PSTPIP1: variants seen among roughly 807,000 people sequenced by gnomAD.
PSTPIP1 encodes proline-serine-threonine phosphatase interacting protein 1.
PSTPIP1 carries 66 observed loss-of-function variants against 69.6 expected under a neutral mutation model. That is an observed-to-expected ratio of 0.95 (90% CI 0.78 to 1.16). PSTPIP1 has a LOEUF of 1.16. Among genes scored for constraint, PSTPIP1 ranks in the 50% most tolerant of loss-of-function variants. PSTPIP1 has a pLI of 0.00. For missense variants in PSTPIP1, 603 were observed against 557.4 expected, an observed-to-expected ratio of 1.08 and a Z score of -0.82; for synonymous variants, 266 against 222.7, an observed-to-expected ratio of 1.19 and a Z score of -1.73.
chr15:77,016,155 C>G (rs2076048462), intron 1 of PSTPIP1, among the ~76,000 whole-genome samples: 2 of 152,190 alleles, frequency 1.3e-5, no homozygotes, highest in Non-Finnish European at 2.9e-5. Flanking sequence ...GATTCTTGTC[C>G]TGACTCTGCA....
At chr15:77,034,380 G>A (rs913316946) in intron 12 of PSTPIP1, among the ~76,000 whole-genome samples, 3 of 152,042 alleles carry the variant, frequency 2.0e-5, no homozygotes, top group African/African-American at 7.3e-5. Flanking sequence ...CTGGGTCCAC[G>A]CATGTCCACC....
chr15:77,015,823 C>A, intron 1 of PSTPIP1: 1 of 425,772 alleles, frequency 2.3e-6, no homozygotes, highest in South Asian at 1.7e-5. Flanking sequence ...TTCCTCGGAA[C>A]ATCCCAGTCC....
rs1210443651 is a variant in PSTPIP1, at chr15:77,035,638, T to TG, written c.985+79dup. Reference sequence around the variant, plus strand: ...GGAGAGGTCTCCCACATGGCACAGATGGGGCCACTGAGGCCCTCAAGAGGA... The same window carrying TG: ...GGAGAGGTCTCCCACATGGCACAGATGGGGGCCACTGAGGCCCTCAAGAGGA... On this transcript the variant is annotated intron_variant, in intron 13 of 14. Transcript: ENST00000558012. 5 of 1,504,416 alleles carry TG rather than the reference T, an allele frequency of 3.3e-6. No individual in the cohort carries two copies. In the Admixed American group the frequency reaches 9.9e-5, roughly 30 times the overall value. The allele number at this position is 1,504,416 out of a possible 1,614,324, so 93.2% of individuals were successfully genotyped here.
At chr15:77,025,203 C>T (rs2076250582) in intron 3 of PSTPIP1, 81 bp from the exon 4 acceptor site, 2 of 1,463,216 alleles carry the variant, frequency 1.4e-6, no homozygotes, top group African/African-American at 2.8e-5. Context: ...CTCCCCACTG[C>T]CCACCCCGCC....
chr15:77,025,407 TG>T (rs1349680335), intron 4 of PSTPIP1, 89 bp downstream of exon 4: 1 of 1,580,034 alleles, frequency 6.3e-7, no homozygotes, highest in Non-Finnish European at 8.7e-7. Context: ...GTGTTGGGGC[TG>T]GGGCTGGGCT....
intron 1 of PSTPIP1, among the ~76,000 whole-genome samples, chr15:77,009,829 G>A (rs2075896916): frequency 6.6e-6 from 1 of 152,210 alleles, no homozygotes; most frequent in Non-Finnish European, 1.5e-5. Context: ...CCCACTGCCT[G>A]GACTCGCTGT....
intron 7 of PSTPIP1, 49 bp from the exon 8 acceptor site, chr15:77,029,480 C>G (rs2076362608): frequency 1.3e-6 from 2 of 1,552,550 alleles, no homozygotes; most frequent in Non-Finnish European, 1.7e-6. Context: ...GGGGTGGGCC[C>G]TGGCTCCTGG....
In PSTPIP1 at chr15:77,027,950, G is replaced by T. The variant is rs771212940; in HGVS notation, c.417+36G>T. Reference sequence around the variant, plus strand: ...GGGCCTGGGGCCGCGGCCTTCCCTCGAGGAGCAGCGCAGGTCTCAGGGTGC... The same window carrying T: ...GGGCCTGGGGCCGCGGCCTTCCCTCTAGGAGCAGCGCAGGTCTCAGGGTGC... On this transcript the variant is annotated intron_variant, in intron 6 of 14. Transcript: ENST00000558012. This position sits in a 1 kb window ranked among gnomAD's most constrained non-coding sequence, Gnocchi z 4.3. 1.3e-6 allele frequency: 2 copies of T among 1,512,542 alleles called. No homozygotes were observed. Among genetic ancestry groups the T allele is most frequent in the South Asian group, 2.4e-5 (2 of 82,978 alleles). 93.7% of individuals were successfully genotyped at this position (1,512,542 alleles called of 1,614,324 possible).
intron 12 of PSTPIP1, among the ~76,000 whole-genome samples, chr15:77,034,801 G>C (rs1038212137): frequency 6.6e-6 from 1 of 152,236 alleles, no homozygotes; most frequent in Admixed American, 6.5e-5. Context: ...GCCCACTTCA[G>C]GGGGTGCCCC....
At chr15:77,036,916 A>G (rs2076589882) in intron 14 of PSTPIP1, 129 bp from the exon 15 acceptor site, 1 of 1,289,858 alleles carries the variant, frequency 7.8e-7, no homozygotes, top group Non-Finnish European at 1.1e-6. Context: ...TGTGTCCCCA[A>G]GGGGCTGCCC....
rs544479424 is a variant in PSTPIP1, at chr15:77,027,784, C to T, written c.355-68C>T. On this transcript the variant is annotated intron_variant, in intron 5 of 14. Coordinates refer to ENST00000558012, the MANE Select transcript of PSTPIP1 (RefSeq NM_003978.5). This position sits in a 1 kb window ranked among gnomAD's most constrained non-coding sequence, Gnocchi z 4.3. Reference sequence around the variant, plus strand: ...GCTGCGCCTCATCCCAGGGACACTCCGTCCTCTTGGCCTAGGGGAGCCTCC... The same window carrying T: ...GCTGCGCCTCATCCCAGGGACACTCTGTCCTCTTGGCCTAGGGGAGCCTCC... 6.5e-7 allele frequency: 1 copy of T among 1,538,342 alleles called. No individual in the cohort carries two copies.
chr15:77,024,859 C>T (rs910336829), intron 3 of PSTPIP1, among the ~76,000 whole-genome samples: 1 of 152,054 alleles, frequency 6.6e-6, no homozygotes. Context: ...GCTGAGAGCC[C>T]ATCTGAACAC....
At position 77,035,930 on chromosome 15, in the gene PSTPIP1, G is replaced by A. The variant is rs987248471; in HGVS notation, c.1114G>A (p.Ala372Thr). The A allele has an allele frequency of 6.3e-7, 1 of 1,599,984 alleles. No homozygotes were observed. The highest frequency in any genetic ancestry group is 8.5e-7 in the Non-Finnish European group (1 of 1,175,442). The change falls in exon 14 of 15, where the codon GCG becomes ACG. Residue 372 changes from alanine (A) to threonine (T), a missense_variant. Transcript: ENST00000558012. The stretch of plus-strand genomic sequence containing the variant: ...GTACCGGGCGCTCTACGATTATACA[G>A]CGCAGGTGAGGCCTCTATACCCCAA... ...QEYRALYDYT[A>T]QNPDELDLSA...
In PSTPIP1 at chr15:77,018,544, G is replaced by A. The variant is rs375295026; in HGVS notation, c.212+13G>A. On this transcript the variant is annotated intron_variant, in intron 3 of 14. Coordinates refer to ENST00000558012, the MANE Select transcript of PSTPIP1 (RefSeq NM_003978.5). ...AGACGGAGATCAAGTAAGATCTCCC[G>A]GGCCCTGGGGCTCACTCCTCTCCTC... is the stretch of plus-strand genomic sequence containing the variant. 2.1e-5 allele frequency: 33 copies of A among 1,546,918 alleles called. No individual in the cohort carries two copies. The highest frequency in any genetic ancestry group is 1.8e-4 in the Middle Eastern group (1 of 5,488).
chr15:76,994,702 G>T (rs1596026818), upstream of PSTPIP1: 1 of 1,251,520 alleles, frequency 8.0e-7, no homozygotes, highest in African/African-American at 1.5e-5. Context: ...TGTGCTCACA[G>T]CCCCCCAGAG....
At position 77,035,909 on chromosome 15, in the gene PSTPIP1, C is replaced by A. The variant is rs748306987; in HGVS notation, c.1093C>A (p.Arg365=). The change falls in exon 14 of 15, where the codon CGG becomes AGG. Residue 365 remains arginine, a synonymous_variant. Transcript: ENST00000558012. ...CCCGGCCTCACCAGCCCAGGAGTAC[C>A]GGGCGCTCTACGATTATACAGCGCA... ...GNPASPAQEY[R]ALYDYTAQNP... is the part of the protein sequence containing the mutation. The A allele has an allele frequency of 1.9e-6, 3 of 1,608,394 alleles. No individual in the cohort carries two copies. The highest frequency in any genetic ancestry group is 2.5e-6 in the Non-Finnish European group (3 of 1,178,846).
intron 1 of PSTPIP1, chr15:77,016,024 C>G (rs1362729987): frequency 8.8e-5 from 40 of 456,174 alleles, no homozygotes; most frequent in Non-Finnish European, 8.8e-6. Context: ...TCTTTCCACT[C>G]TGGGGGCCTC....
intron 8 of PSTPIP1, 102 bp from the exon 9 acceptor site, chr15:77,030,400 C>T (rs1446775612): frequency 2.7e-5 from 33 of 1,237,470 alleles, no homozygotes; most frequent in Middle Eastern, 2.3e-4. Flanking sequence ...ATGGGGGAGG[C>T]GGGGCTCCCA....
At chr15:77,016,999 CAGTCTCTG>C in intron 1 of PSTPIP1, among the ~76,000 whole-genome samples, 1 of 152,246 alleles carries the variant, frequency 6.6e-6, no homozygotes, top group South Asian at 2.1e-4. Flanking sequence ...CTTCTTCCTC[CAGTCTCTG>C]AGGCTTTAGG....
Sources: gnomAD v4.1 joint callset for allele counts (sites outside exome capture counted in the v4.1 genomes callset) on GRCh38, gnomAD v4.1.1 for gene constraint, Gnocchi (gnomAD v3.1) non-coding constraint, MANE v1.5 for transcripts, NCBI Gene and HGNC (gene_info 2026-07-23, HGNC 2026-07-21) for gene names.